TUBGCP3: variants seen among roughly 807,000 people sequenced by gnomAD.
The protein encoded by TUBGCP3 is gamma-tubulin complex component 3.
A neutral mutation model predicts 123.1 loss-of-function variants in TUBGCP3; 50 were observed. The observed-to-expected ratio is 0.41, with a 90% confidence interval of 0.32 to 0.51. TUBGCP3 has a LOEUF of 0.51. Among genes scored for constraint, TUBGCP3 ranks in the 20% least tolerant of loss-of-function variants. TUBGCP3 has a pLI of 0.36. For synonymous variants in TUBGCP3, 405 were observed against 413.9 expected, an observed-to-expected ratio of 0.98 and a Z score of 0.26; for missense variants, 882 against 1,127.0, an observed-to-expected ratio of 0.78 and a Z score of 3.11.
chr13:112,559,813 T>TTGTGTACCTAA (rs1880348847), intron 3 of TUBGCP3, among the ~76,000 whole-genome samples: 1 of 152,188 alleles, frequency 6.6e-6, no homozygotes, highest in African/African-American at 2.4e-5. Context: ...CACAAGTTAG[T>TTGTGTACCTAA]CTCAGCATCA....
intron 1 of TUBGCP3, among the ~76,000 whole-genome samples, chr13:112,578,321 A>G (rs1344622916): frequency 2.0e-5 from 3 of 151,776 alleles, no homozygotes; most frequent in Non-Finnish European, 2.9e-5. Context: ...GCACTTTGGG[A>G]GGCCGAGGCG....
intron 1 of TUBGCP3, among the ~76,000 whole-genome samples, chr13:112,574,420 GCA>G (rs1314127545): frequency 6.6e-6 from 1 of 151,958 alleles, no homozygotes; most frequent in Non-Finnish European, 1.5e-5. Flanking sequence ...CTTCAAGTGG[GCA>G]CTCTGAGCTC....
At chr13:112,560,705 T>C (rs1880447271) in intron 3 of TUBGCP3, among the ~76,000 whole-genome samples, 1 of 152,168 alleles carries the variant, frequency 6.6e-6, no homozygotes, top group East Asian at 1.9e-4. Flanking sequence ...TCTCTGGAAG[T>C]TTCTTTTAAA....
Position 112,508,393 on chromosome 13 carries a change from T to C in TUBGCP3, c.2087-3679A>G, listed in dbSNP as rs1001802536. Among the ~76,000 whole-genome samples the C allele has an allele frequency of 2.0e-5, 3 of 152,184 alleles. No homozygotes were observed. The highest frequency in any genetic ancestry group is 4.8e-5 in the African/African-American group (2 of 41,448). On this transcript the variant is annotated intron_variant, in intron 17 of 21. Coordinates refer to ENST00000261965, the MANE Select transcript of TUBGCP3 (RefSeq NM_006322.6). The surrounding 1 kb of genome is among the most constrained non-coding windows in gnomAD (Gnocchi z 4.2). ...GATTTTGCCCAACTCTTCTGTAGTA[T>C]ATCTTTAAATTTTCAGATGCCATAT...
intron 8 of TUBGCP3, among the ~76,000 whole-genome samples, chr13:112,550,106 T>G (rs912241384): frequency 2.0e-5 from 3 of 151,868 alleles, no homozygotes; most frequent in African/African-American, 4.8e-5. Context: ...GCAAGAGCCT[T>G]CAGGGATGAG....
At chr13:112,584,050 C>T (rs1882442146) in intron 1 of TUBGCP3, 1 of 152,178 alleles carries the variant, frequency 6.6e-6, no homozygotes, top group African/African-American at 2.4e-5. Context: ...ATAAAAAGTC[C>T]TGTTCTCAAC....
At chr13:112,514,038 C>A (rs1163285570) in intron 17 of TUBGCP3, among the ~76,000 whole-genome samples, 2 of 152,190 alleles carry the variant, frequency 1.3e-5, no homozygotes, top group Non-Finnish European at 2.9e-5. Context: ...CAGTAGCTGT[C>A]TCAGTTATCA....
intron 1 of TUBGCP3, among the ~76,000 whole-genome samples, chr13:112,579,477 G>A (rs1037026852): frequency 3.3e-5 from 5 of 149,620 alleles, no homozygotes; most frequent in African/African-American, 9.9e-5. Context: ...GCGGGGCCAC[G>A]GCATCCCCGG....
chr13:112,536,609 T>C (rs1237365913), intron 11 of TUBGCP3, among the ~76,000 whole-genome samples: 1 of 152,246 alleles, frequency 6.6e-6, no homozygotes, highest in Non-Finnish European at 1.5e-5. Context: ...TGAAAGTATA[T>C]GGAAATATAA....
At chr13:112,510,386 C>T (rs1881600497) in intron 17 of TUBGCP3, among the ~76,000 whole-genome samples, 2 of 152,144 alleles carry the variant, frequency 1.3e-5, no homozygotes. Context: ...ACCTCCTCAA[C>T]CCGTATTTAT....
At chr13:112,585,168 A>G (rs143428478) in intron 1 of TUBGCP3, among the ~76,000 whole-genome samples, 411 of 152,364 alleles carry the variant, frequency 2.7e-3, no homozygotes, top group African/African-American at 9.2e-3. Flanking sequence ...TTACAAAAGC[A>G]TAAGGCCAAT....
At chr13:112,604,035 G>T in the TUBGCP3 span, 29 of 152,234 alleles carry the variant, frequency 1.9e-4, no homozygotes, top group African/African-American at 6.7e-4. Context: ...GTCCTCCCTG[G>T]GATCCTATAG....
Position 112,516,531 on chromosome 13 carries a change from G to A in TUBGCP3, c.1995C>T (p.Asn665=). 1 of 1,614,158 alleles carries A rather than the reference G, an allele frequency of 6.2e-7. No homozygotes were observed. Among genetic ancestry groups the A allele is most frequent in the Non-Finnish European group, 8.5e-7 (1 of 1,180,030 alleles). The change falls in exon 17 of 22, where the codon AAC becomes AAT. Residue 665 remains asparagine (N), a synonymous_variant. Coordinates refer to ENST00000261965, the MANE Select transcript of TUBGCP3 (RefSeq NM_006322.6). ...ECMSHYLRVF[N]FLWRAKRMEY... Reference sequence around the variant, plus strand: ...CCATCCGCTTCGCCCTCCAGAGGAAGTTAAATACTCTTAGGTAGTGGCTCA... The same window carrying A: ...CCATCCGCTTCGCCCTCCAGAGGAAATTAAATACTCTTAGGTAGTGGCTCA...
chr13:112,575,918 G>A (rs560861063), intron 1 of TUBGCP3, among the ~76,000 whole-genome samples: 1 of 152,192 alleles, frequency 6.6e-6, no homozygotes, highest in South Asian at 2.1e-4. Flanking sequence ...AGAGCCTCCA[G>A]GGGTAGCCCA....
intron 4 of TUBGCP3, 101 bp downstream of exon 4, chr13:112,559,221 T>C (rs1164860398): frequency 1.1e-6 from 1 of 934,180 alleles, no homozygotes; most frequent in Non-Finnish European, 1.6e-6. Context: ...ACAAGCTTGT[T>C]GCTTTCCTAG....
intron 11 of TUBGCP3, among the ~76,000 whole-genome samples, chr13:112,531,704 C>G (rs1457238887): frequency 6.6e-6 from 1 of 152,072 alleles, no homozygotes; most frequent in Non-Finnish European, 1.5e-5. Flanking sequence ...ACTGCTTCAT[C>G]TAAGGGCAAA....
In TUBGCP3 at chr13:112,519,941, T is replaced by C; in HGVS notation, c.1826A>G (p.Asn609Ser). 6.2e-7 allele frequency: 1 copy of C among 1,614,014 alleles called. No homozygotes were observed. The highest frequency in any genetic ancestry group is 8.5e-7 in the Non-Finnish European group (1 of 1,179,878). ...GILETAVRAT[N>S]AQFDSPEILR... Reference sequence around the variant, plus strand: ...GATCTCAGGACTGTCAAACTGTGCGTTGGTGGCTCTGACAGCGGTTTCTAG... The same window carrying C: ...GATCTCAGGACTGTCAAACTGTGCGCTGGTGGCTCTGACAGCGGTTTCTAG... Residue 609 changes from asparagine to serine, a missense_variant, in exon 15 of 22, where the codon AAC (asparagine) becomes AGC (serine). By Grantham distance (46) the Asn-to-Ser change is conservative (BLOSUM62 1). Coordinates refer to ENST00000261965, the MANE Select transcript of TUBGCP3 (RefSeq NM_006322.6). This position sits in a 1 kb window ranked among gnomAD's most constrained non-coding sequence, Gnocchi z 6.2.
intron 20 of TUBGCP3, among the ~76,000 whole-genome samples, chr13:112,496,291 A>ATTC (rs1045030000): frequency 4.6e-5 from 7 of 152,216 alleles, no homozygotes; most frequent in Non-Finnish European, 8.8e-5. Context: ...AGCCATGAGG[A>ATTC]GGAAGAGAAG....
At chr13:112,516,228 C>G (rs926222008) in intron 17 of TUBGCP3, among the ~76,000 whole-genome samples, 1 of 152,108 alleles carries the variant, frequency 6.6e-6, no homozygotes, top group African/African-American at 2.4e-5. Context: ...AAACTGTTTT[C>G]CTTAAAAATA....
Sources: allele counts gnomAD v4.1 joint callset (sites outside exome capture counted in the v4.1 genomes callset), GRCh38; gene constraint gnomAD v4.1.1; non-coding constraint Gnocchi (gnomAD v3.1); transcripts MANE v1.5; gene names NCBI Gene and HGNC (gene_info 2026-07-23, HGNC 2026-07-21).